ATP13A4: variants seen among roughly 807,000 people sequenced by gnomAD.
ATP13A4 encodes the protein ATPase 13A4.
A neutral mutation model predicts 142.5 loss-of-function variants in ATP13A4; 114 were observed. That is an observed-to-expected ratio of 0.80 (90% CI 0.69 to 0.93). ATP13A4 has a LOEUF of 0.93. ATP13A4 is among the 40% of genes least tolerant of loss of function. The pLI is 0.00. For synonymous variants in ATP13A4, 488 were observed against 514.8 expected (o/e 0.95, Z 0.70); for missense variants, 1,392 against 1,454.0 (o/e 0.96, Z 0.69).
intron 18 of ATP13A4, among the ~76,000 whole-genome samples, chr3:193,446,247 AC>A (rs2108627116): frequency 6.6e-6 from 1 of 152,318 alleles, no homozygotes; most frequent in South Asian, 2.1e-4. Flanking sequence ...CAATGGAACT[AC>A]CAGAAGTAAA....
upstream of ATP13A4, among the ~76,000 whole-genome samples, chr3:193,559,583 T>G (rs1255015646): frequency 6.6e-6 from 1 of 152,248 alleles, no homozygotes; most frequent in East Asian, 1.9e-4. Context: ...AATTAATGTT[T>G]GTAAAACATT....
At chr3:193,489,610 C>T in intron 7 of ATP13A4, 120 bp downstream of exon 7, 3 of 1,072,518 alleles carry the variant, frequency 2.8e-6, no homozygotes, top group South Asian at 1.4e-5. Context: ...TATTTACAAA[C>T]TTGCTCTCAT....
chr3:193,573,323 AT>A (rs1214104602), intron 2 of ATP13A4, among the ~76,000 whole-genome samples: 9 of 141,814 alleles, frequency 6.3e-5, no homozygotes, highest in Non-Finnish European at 1.2e-4. Context: ...ATATATATAT[AT>A]ATAATTTGTA....
chr3:193,459,836 G>A (rs1717851722), intron 13 of ATP13A4, among the ~76,000 whole-genome samples: 1 of 152,182 alleles, frequency 6.6e-6, no homozygotes, highest in African/African-American at 2.4e-5. Flanking sequence ...TTTTAGATAA[G>A]AACATAGTCT....
intron 2 of ATP13A4, among the ~76,000 whole-genome samples, chr3:193,577,955 G>A (rs999754623): frequency 1.3e-5 from 2 of 152,180 alleles, no homozygotes; most frequent in African/African-American, 2.4e-5. Context: ...TTTTAATGGA[G>A]TAAATTCTCA....
At chr3:193,509,195 C>G (rs762957935) in intron 2 of ATP13A4, among the ~76,000 whole-genome samples, 1 of 152,202 alleles carries the variant, frequency 6.6e-6, no homozygotes, top group Non-Finnish European at 1.5e-5. Context: ...CACCTTTTAA[C>G]TCTTATCCTT....
At chr3:193,499,780 C>T (rs1334354901) in intron 3 of ATP13A4, among the ~76,000 whole-genome samples, 3 of 152,102 alleles carry the variant, frequency 2.0e-5, no homozygotes, top group Admixed American at 6.6e-5. Context: ...CTGATCAGTT[C>T]GAGAACCTCT....
chr3:193,418,315 TC>T (rs903760877), intron 25 of ATP13A4, among the ~76,000 whole-genome samples: 4 of 127,460 alleles, frequency 3.1e-5, no homozygotes, highest in African/African-American at 9.6e-5. Context: ...AGACTCCATC[TC>T]AAAAAAAAAA....
chr3:193,415,681 C>T (rs1715022756), intron 25 of ATP13A4, among the ~76,000 whole-genome samples: 1 of 152,202 alleles, frequency 6.6e-6, no homozygotes, highest in Non-Finnish European at 1.5e-5. Context: ...TAACACAGAA[C>T]TCACTCTGGG....
intron 9 of ATP13A4, 96 bp from the exon 10 acceptor site, chr3:193,467,582 G>A (rs1718377561): frequency 1.5e-6 from 2 of 1,296,282 alleles, no homozygotes; most frequent in Non-Finnish European, 2.2e-6. Context: ...CATTTTTTTT[G>A]TGAGCCTACC....
At chr3:193,476,350 T>C (rs890079083) in intron 8 of ATP13A4, among the ~76,000 whole-genome samples, 4 of 152,108 alleles carry the variant, frequency 2.6e-5, no homozygotes, top group African/African-American at 9.7e-5. Context: ...TTCTGTAGTT[T>C]TCTTACCTCT....
intron 23 of ATP13A4, 30 bp from the exon 24 acceptor site, chr3:193,435,774 G>A (rs763948937): frequency 7.7e-6 from 12 of 1,553,360 alleles, no homozygotes; most frequent in Admixed American, 3.3e-5. Context: ...ATAAAGACAT[G>A]AAAGTAATGA....
chr3:193,462,972 AC>A (rs1339176171), intron 12 of ATP13A4, 149 bp from the exon 13 acceptor site: 1 of 662,854 alleles, frequency 1.5e-6, no homozygotes, highest in Non-Finnish European at 2.5e-6. Context: ...TAATGAAACC[AC>A]CTCCCTATTT....
At chr3:193,579,136 G>T in intron 2 of ATP13A4, 1 of 162,972 alleles carries the variant, frequency 6.1e-6, no homozygotes, top group Non-Finnish European at 1.4e-5. Flanking sequence ...AGTCTCTGTG[G>T]CCTAAGGCAA....
At chr3:193,457,576 T>C in intron 14 of ATP13A4, 111 bp from the exon 15 acceptor site, 7 of 977,418 alleles carry the variant, frequency 7.2e-6, no homozygotes, top group Non-Finnish European at 1.1e-5. Flanking sequence ...CAATGTGTTT[T>C]CCGTGTCTCT....
rs71314499 is a variant in ATP13A4, at chr3:193,446,518, T to C, written c.2152+1688A>G. 4.1e-4 allele frequency among the ~76,000 whole-genome samples: 63 copies of C among 152,222 alleles called. No homozygotes were observed. In the East Asian group the frequency reaches 9.1e-3, roughly 22 times the overall value. On this transcript the variant is annotated intron_variant, in intron 18 of 29. Transcript: ENST00000342695. ...TCATAAAACTGGTCCATTCAGAGGA[T>C]AGAGTTGAGTCCATTAAGTTATTGT... is the stretch of plus-strand genomic sequence containing the variant.
At chr3:193,431,063 G>A (rs1340459638) in intron 25 of ATP13A4, among the ~76,000 whole-genome samples, 1 of 152,016 alleles carries the variant, frequency 6.6e-6, no homozygotes. Flanking sequence ...AATTTCAAAT[G>A]TATAGGATGT....
At chr3:193,544,343 A>G (rs977961131) in intron 1 of ATP13A4, among the ~76,000 whole-genome samples, 10 of 152,162 alleles carry the variant, frequency 6.6e-5, no homozygotes, top group African/African-American at 2.2e-4. Flanking sequence ...AGAAACTCTC[A>G]CCTAAGAAAA....
rs1270420536 is a variant in ATP13A4 at position 193,441,517 on chromosome 3, A to C, written c.2388T>G (p.Thr796=). Residue 796 remains threonine, a synonymous_variant, in exon 20 of 30, where the codon ACT becomes ACG. Transcript: ENST00000342695. ...GREGSYHFAL[T]GKSFHVISQH... is the part of the protein sequence containing the mutation. ...GACTTATAACATGAAAGGATTTTCC[A>C]GTTAGGGCAAAATGGTAACTTCCTT... is the stretch of plus-strand genomic sequence containing the variant. 1 of 1,613,612 alleles carries C rather than the reference A, an allele frequency of 6.2e-7. No homozygotes were observed. The highest frequency in any genetic ancestry group is 8.5e-7 in the Non-Finnish European group (1 of 1,179,672).
Sources: gnomAD v4.1 joint callset for allele counts (sites outside exome capture counted in the v4.1 genomes callset) on GRCh38, gnomAD v4.1.1 for gene constraint, MANE v1.5 for transcripts, NCBI Gene and HGNC (gene_info 2026-07-23, HGNC 2026-07-21) for gene names.